Variants in MUC4 observed in about 807,000 individuals in gnomAD.
The protein encoded by MUC4 is mucin-4.
Under a neutral mutation model 257.9 loss-of-function variants are expected in MUC4, and 202 were observed. The observed-to-expected ratio is 0.78, with a 90% CI of 0.70 to 0.88. MUC4 has a LOEUF of 0.88. Among genes scored for constraint, MUC4 ranks in the 40% least tolerant of loss-of-function variants. MUC4 has a pLI of 0.00. For synonymous variants in MUC4, 2,351 were observed against 2,757.1 expected, an observed-to-expected ratio of 0.85 and a Z score of 4.62; for missense variants, 5,976 against 6,513.7, an observed-to-expected ratio of 0.92 and a Z score of 2.84.
chr3:195,789,515 T>C lies in MUC4; in HGVS notation c.2065A>G (p.Ile689Val), dbSNP rs768859953. 5.6e-6 allele frequency: 9 copies of C among 1,613,766 alleles called. No individual in the cohort carries two copies. The highest frequency in any genetic ancestry group is 4.0e-5 in the African/African-American group (3 of 74,886). The change falls in exon 2 of 25, where the codon ATA (isoleucine) becomes GTA (valine). Residue 689 changes from isoleucine (I) to valine (V), a missense_variant. Ile to Val is a conservative substitution (Grantham distance 29). Around this residue, in one of 44 missense-constraint regions of MUC4, gnomAD observed 1,583 missense variants for 1,257.4 expected, o/e 1.26. Coordinates refer to ENST00000463781, the MANE Select transcript of MUC4 (RefSeq NM_018406.7). ...SEIVPQDAPTISAATTFAPAP... is the reference protein window; with the variant it reads ...SEIVPQDAPTVSAATTFAPAP... ...GGGGCAAAGGTTGTTGCTGCACTTA[T>C]GGTGGGTGCGTCCTGAGGAACAATT...
chr3:195,778,763 C>T (rs1414816918), intron 2 of MUC4, 27 bp downstream of exon 2: 2 of 1,585,916 alleles, frequency 1.3e-6, no homozygotes, highest in Admixed American at 1.7e-5. Flanking sequence ...CACTGGGAGA[C>T]ATAAAGGCGA....
rs200197178 is a variant in MUC4 at position 195,780,302 on chromosome 3, G to C, written c.11278C>G (p.Pro3760Ala). ...GAGGAAGCGTCGGTGACAAGAAGAG[G>C]GGTGGCGTGACCTGTGGATGCTGAG... ...TSSASTGHAT[P>A]LLVTDASSVS... Residue 3760 changes from proline to alanine, a missense_variant, in exon 2 of 25, where the codon CCT becomes GCT. Physicochemically the swap from Pro to Ala is conservative, Grantham distance 27. Around this residue, in one of 44 missense-constraint regions of MUC4, gnomAD observed 330 missense variants for 262.0 expected, o/e 1.26. Coordinates refer to ENST00000463781, the MANE Select transcript of MUC4 (RefSeq NM_018406.7). The C allele has an allele frequency of 9.6e-6, 12 of 1,256,030 alleles. No homozygotes were observed. Among genetic ancestry groups the C allele is most frequent in the Non-Finnish European group, 1.3e-5 (12 of 924,954 alleles). The allele number at this position is 1,256,030 out of a possible 1,614,324, so 77.8% of individuals were successfully genotyped here.
At chr3:195,809,439 G>A (rs558271742) in intron 1 of MUC4, among the ~76,000 whole-genome samples, 223 of 152,198 alleles carry the variant, frequency 1.5e-3, no homozygotes, top group African/African-American at 5.2e-3. Flanking sequence ...CTGCCCACCC[G>A]CCCTTGGTGA....
In MUC4 at chr3:195,789,066, A is replaced by T; in HGVS notation, c.2514T>A (p.Ser838Arg). ...ATTCGGTTGTTGACTGGGTTGTGTG[A>T]CTGTCCCTGGAGGGGTTTGATGAAA... The part of the protein sequence containing the change: ...TRFSSNPSRD[S>R]HTTQSTTELL... Residue 838 changes from serine to arginine, a missense_variant, in exon 2 of 25, where the codon AGT becomes AGA. Ser to Arg is a moderately radical substitution (Grantham distance 110). Coordinates refer to ENST00000463781, the MANE Select transcript of MUC4 (RefSeq NM_018406.7). 9 of 1,613,606 alleles carry T rather than the reference A, an allele frequency of 5.6e-6. No individual in the cohort carries two copies. The highest frequency in any genetic ancestry group is 7.6e-6 in the Non-Finnish European group (9 of 1,179,728).
In MUC4 at chr3:195,779,680, G is replaced by A; in HGVS notation, c.11900C>T (p.Thr3967Ile). The A allele has an allele frequency of 1.7e-6, 2 of 1,210,692 alleles. No homozygotes were observed. The highest frequency in any genetic ancestry group is 2.2e-6 in the Non-Finnish European group (2 of 907,456). The allele number at this position is 1,210,692 out of a possible 1,614,324, so 75.0% of individuals were successfully genotyped here. The change falls in exon 2 of 25, where the codon ACC (threonine) becomes ATC (isoleucine). Residue 3967 changes from threonine to isoleucine, a missense_variant. Transcript: ENST00000463781. Reference protein sequence around the residue: ...DTSSVSTGHATSLPVTSRSSA... With the variant: ...DTSSVSTGHAISLPVTSRSSA... ...GGAACGGCTGGTGACAGGAAGAGAGGTGGCGTGACCTGTGGATACTGAGGA... is the reference window on the plus strand; with the variant it reads ...GGAACGGCTGGTGACAGGAAGAGAGATGGCGTGACCTGTGGATACTGAGGA...
chr3:195,789,206 A>AG lies in MUC4; in HGVS notation c.2373dup (p.Ser792LeufsTer87), dbSNP rs1189101420. 1 of 1,613,604 alleles carries AG rather than the reference A, an allele frequency of 6.2e-7. No homozygotes were observed. Among genetic ancestry groups the AG allele is most frequent in the Non-Finnish European group, 8.5e-7 (1 of 1,179,814 alleles). On this transcript the variant is annotated frameshift_variant, in exon 2 of 25. Coordinates refer to ENST00000463781, the MANE Select transcript of MUC4 (RefSeq NM_018406.7). LOFTEE classifies it high-confidence loss of function. The stretch of plus-strand genomic sequence containing the variant: ...GCTGAGGTGGTTCGTGACCCTGAGG[A>AG]GGCCGGTTCGCTGGTCTGTGTTTGT...
At chr3:195,800,226 C>T (rs749863715) in intron 1 of MUC4, among the ~76,000 whole-genome samples, 5 of 151,706 alleles carry the variant, frequency 3.3e-5, no homozygotes, top group Non-Finnish European at 7.4e-5. Flanking sequence ...TGCAGTGAGC[C>T]GAGATCGCGC....
chr3:195,748,859 T>TC (rs1715723927), intron 24 of MUC4, 43 bp downstream of exon 24: 1 of 1,498,200 alleles, frequency 6.7e-7, no homozygotes, highest in African/African-American at 1.4e-5. Context: ...CAGCTTGGGT[T>TC]CCCCAGCACT....
chr3:195,789,578 C>T lies in MUC4; in HGVS notation c.2002G>A (p.Gly668Ser), dbSNP rs375990412. ...TGCCCACTGGCTGTGAAGGAAGAAC[C>T]TGGGGTGGTGACTGTCTTGGTGTCA... is the stretch of plus-strand genomic sequence containing the variant. ...MTDTKTVTTP[G>S]SSFTASGHSP... The change falls in exon 2 of 25, where the codon GGT (glycine) becomes AGT (serine). Residue 668 changes from glycine (G) to serine (S), a missense_variant. Physicochemically the swap from Gly to Ser is moderately conservative, Grantham distance 56. Coordinates refer to ENST00000463781, the MANE Select transcript of MUC4 (RefSeq NM_018406.7). The T allele has an allele frequency of 3.3e-5, 53 of 1,613,764 alleles. No homozygotes were observed. Among genetic ancestry groups the T allele is most frequent in the Non-Finnish European group, 4.3e-5 (51 of 1,179,844 alleles).
intron 4 of MUC4, among the ~76,000 whole-genome samples, chr3:195,773,574 C>T (rs1276706547): frequency 1.4e-5 from 2 of 142,038 alleles, no homozygotes; most frequent in Non-Finnish European, 3.1e-5. Context: ...CAGGTGTGGA[C>T]ACCCTCTCGC....
intron 4 of MUC4, among the ~76,000 whole-genome samples, chr3:195,773,778 G>A (rs1560279890): frequency 6.6e-6 from 1 of 152,216 alleles, no homozygotes; most frequent in Non-Finnish European, 1.5e-5. Context: ...CCATCGCTCA[G>A]TCGCCCTCTC....
At position 195,774,786 on chromosome 3, in the gene MUC4, G is replaced by A. The variant is rs373305175; in HGVS notation, c.12944-481C>T. Among the ~76,000 whole-genome samples, 111 of 151,764 alleles carry A rather than the reference G, an allele frequency of 7.3e-4. 1 individual carries two copies. The South Asian group carries it at 0.022, about 31-fold the overall frequency. On this transcript the variant is annotated intron_variant, in intron 3 of 24. Coordinates refer to ENST00000463781, the MANE Select transcript of MUC4 (RefSeq NM_018406.7). ...GTGGTGGCGCATGCCTGTAATCCCA[G>A]CCACTCGGGAGGCTGAGGCAGGAGA...
rs1736794052 is a variant in MUC4, at chr3:195,811,861, G to A, written c.-44C>T. ...CCTGGCTCCCTGGGGAAGCTCCACG[G>A]CCCAGCAGCTGCAGTGTGAGGAGCA... On this transcript the variant is annotated 5_prime_UTR_variant, in exon 1 of 25. Coordinates refer to ENST00000463781, the MANE Select transcript of MUC4 (RefSeq NM_018406.7). 1.9e-6 allele frequency: 3 copies of A among 1,588,492 alleles called. No individual in the cohort carries two copies. In the African/African-American group the frequency reaches 4.0e-5, roughly 21 times the overall value.
intron 4 of MUC4, among the ~76,000 whole-genome samples, chr3:195,773,287 A>G (rs1274368536): frequency 8.4e-6 from 1 of 119,690 alleles, no homozygotes; most frequent in Admixed American, 9.4e-5. Flanking sequence ...CCCCATCTCC[A>G]TCACTTAGGG....
In MUC4 at chr3:195,780,946, A is replaced by C; in HGVS notation, c.10634T>G (p.Val3545Gly). 3.9e-6 allele frequency: 4 copies of C among 1,020,526 alleles called. No homozygotes were observed. The highest frequency in any genetic ancestry group is 2.4e-5 in the African/African-American group (1 of 42,112). 63.2% of individuals were successfully genotyped at this position (1,020,526 alleles called of 1,614,324 possible). The change falls in exon 2 of 25, where the codon GTA becomes GGA. Residue 3545 changes from valine to glycine, a missense_variant. Around this residue, in one of 44 missense-constraint regions of MUC4, gnomAD observed 297 missense variants for 240.9 expected, o/e 1.23. Coordinates refer to ENST00000463781, the MANE Select transcript of MUC4 (RefSeq NM_018406.7). ...TPLPVTSLSS[V>G]STGDTTPLPV... ...AAGAGGGGTGGTGTCACCTGTGGATACTGAGGAAAGGCTGGTGACAGGAAG... is the reference window on the plus strand; with the variant it reads ...AAGAGGGGTGGTGTCACCTGTGGATCCTGAGGAAAGGCTGGTGACAGGAAG...
chr3:195,778,065 G>A (rs145883703), intron 3 of MUC4, among the ~76,000 whole-genome samples: 121 of 152,308 alleles, frequency 7.9e-4, no homozygotes, highest in African/African-American at 2.8e-3. Flanking sequence ...TCTAACCGCC[G>A]CTACCGGACC....
Position 195,785,129 on chromosome 3 carries a change from A to C in MUC4, c.6451T>G (p.Ser2151Ala). 2.8e-6 allele frequency: 4 copies of C among 1,453,772 alleles called. No individual in the cohort carries two copies. The highest frequency in any genetic ancestry group is 2.9e-5 in the East Asian group (1 of 34,566). The allele number at this position is 1,453,772 out of a possible 1,614,324, so 90.1% of individuals were successfully genotyped here. The change falls in exon 2 of 25, where the codon TCC (serine) becomes GCC (alanine). Residue 2151 changes from serine (S) to alanine (A), a missense_variant. Ser to Ala is a moderately conservative substitution (Grantham distance 99). Transcript: ENST00000463781. ...DTTPLPVTET[S>A]SVSTGHATSL... ...GTGGCGTGACCTGTGGATACTGAGG[A>C]AGTTTCGGTGACAGGAAGAGGGGTG... is the stretch of plus-strand genomic sequence containing the variant.
rs1720839507 is a variant in MUC4, at chr3:195,767,463, T to TACCACCACCATC, written c.13530-724_13530-713dup. On this transcript the variant is annotated intron_variant, in intron 7 of 24. Transcript: ENST00000463781. Reference sequence around the variant, plus strand: ...CCATCACCACCACCACCACCAACACTACCACCACCATCACCATCACCACCA... The same window carrying TACCACCACCATC: ...CCATCACCACCACCACCACCAACACTACCACCACCATCACCACCACCATCACCATCACCACCA... Among the ~76,000 whole-genome samples the TACCACCACCATC allele has an allele frequency of 2.7e-4, 10 of 37,350 alleles. No individual in the cohort carries two copies. The East Asian group carries it at 8.9e-3, about 33-fold the overall frequency. The allele number at this position is 37,350 out of a possible 152,430, so 24.5% of individuals were successfully genotyped here.
At position 195,781,345 on chromosome 3, in the gene MUC4, G is replaced by A; in HGVS notation, c.10235C>T (p.Thr3412Ile). Reference protein sequence around the residue: ...STGDTMPLPVTSPSSASTGHA... With the variant: ...STGDTMPLPVISPSSASTGHA... ...ACCTGTGGATGCTGAGGAAGGGCTA[G>A]TGACAGGAAGAGGCATGGTGTCACC... The change falls in exon 2 of 25, where the codon ACT becomes ATT. Residue 3412 changes from threonine to isoleucine, a missense_variant. Physicochemically the swap from Thr to Ile is moderately conservative, Grantham distance 89 (BLOSUM62 -1). Coordinates refer to ENST00000463781, the MANE Select transcript of MUC4 (RefSeq NM_018406.7). 4.0e-6 allele frequency: 6 copies of A among 1,487,928 alleles called. No homozygotes were observed. In the East Asian group the frequency reaches 8.0e-5, roughly 20 times the overall value. The allele number at this position is 1,487,928 out of a possible 1,614,324, so 92.2% of individuals were successfully genotyped here.
Sources: allele counts gnomAD v4.1 joint callset (sites outside exome capture counted in the v4.1 genomes callset), GRCh38; gene constraint gnomAD v4.1.1; regional missense constraint gnomAD v4.1.1; transcripts MANE v1.5; gene names NCBI Gene and HGNC (gene_info 2026-07-23, HGNC 2026-07-21).